Variants in NEK11 observed in about 807,000 individuals in gnomAD.
The protein encoded by NEK11 is NIMA related kinase 11.
In NEK11, 72 loss-of-function variants were observed where a neutral mutation model predicts 80.7. The observed-to-expected ratio is 0.89, with a 90% CI of 0.74 to 1.08. NEK11 has a LOEUF of 1.08. NEK11 is among the 50% of genes least tolerant of loss of function. The probability of loss-of-function intolerance (pLI) is 0.00; values close to 1 mark genes in which losing one functional copy is unlikely to be tolerated. For synonymous variants in NEK11, 251 were observed against 260.7 expected, an observed-to-expected ratio of 0.96 and a Z score of 0.36; for missense variants, 764 against 763.6, an observed-to-expected ratio of 1.00 and a Z score of -0.01.
At chr3:131,043,082 A>C (rs1267736199) in intron 3 of NEK11, among the ~76,000 whole-genome samples, 1 of 152,230 alleles carries the variant, frequency 6.6e-6, no homozygotes, top group Non-Finnish European at 1.5e-5. Flanking sequence ...AACAAAAAGG[A>C]TGACCACGCA....
chr3:131,050,411 C>T (rs566547021), intron 3 of NEK11, among the ~76,000 whole-genome samples: 99 of 152,246 alleles, frequency 6.5e-4, no homozygotes, highest in Non-Finnish European at 1.1e-3. Flanking sequence ...CACGGTTCAT[C>T]TATTCATGCT....
At chr3:131,314,370 A>C (rs749671806) in intron 17 of NEK11, among the ~76,000 whole-genome samples, 2 of 152,210 alleles carry the variant, frequency 1.3e-5, no homozygotes, top group Non-Finnish European at 2.9e-5. Context: ...ATTGCACAAC[A>C]AATCTTTTGA....
chr3:131,153,067 CAG>C (rs1479654429), intron 9 of NEK11, among the ~76,000 whole-genome samples: 2 of 152,128 alleles, frequency 1.3e-5, no homozygotes, highest in Non-Finnish European at 2.9e-5. Context: ...AGCCTGGCAA[CAG>C]AGTGAGACTC....
intron 3 of NEK11, among the ~76,000 whole-genome samples, chr3:131,043,810 C>T (rs942563700): frequency 1.7e-4 from 26 of 152,222 alleles, no homozygotes; most frequent in African/African-American, 5.5e-4. Flanking sequence ...GACACATAAT[C>T]GTCAGATTCA....
intron 17 of NEK11, 54 bp downstream of exon 17, chr3:131,273,628 C>T: frequency 1.5e-6 from 2 of 1,326,162 alleles, no homozygotes; most frequent in Non-Finnish European, 2.2e-6. Context: ...AGCATATTGA[C>T]CAAGTGTGTG....
intron 17 of NEK11, among the ~76,000 whole-genome samples, chr3:131,301,794 G>A (rs952942907): frequency 2.0e-5 from 3 of 151,908 alleles, no homozygotes; most frequent in African/African-American, 7.3e-5. Context: ...TTTTATCCTG[G>A]ATTTTTGCAT....
intron 7 of NEK11, among the ~76,000 whole-genome samples, chr3:131,146,683 T>C (rs1560629779): frequency 6.6e-6 from 1 of 152,134 alleles, no homozygotes; most frequent in Non-Finnish European, 1.5e-5. Context: ...ACTTTTTTTT[T>C]CATAGTATAA....
chr3:131,097,315 C>T (rs1417363659), intron 4 of NEK11, among the ~76,000 whole-genome samples: 16 of 151,900 alleles, frequency 1.1e-4, no homozygotes, highest in Admixed American at 6.6e-5. Flanking sequence ...ACCACACTGA[C>T]TTCCACAATG....
rs113624886 is a variant in NEK11, at chr3:131,301,416, T to C, written c.1718+27842T>C. Reference sequence around the variant, plus strand: ...CTAGGACTTACAGTACTTTGTTGAATAGAAATGGTGAGAATGGGCATCCTT... The same window carrying C: ...CTAGGACTTACAGTACTTTGTTGAACAGAAATGGTGAGAATGGGCATCCTT... On this transcript the variant is annotated intron_variant, in intron 17 of 17. Coordinates refer to ENST00000383366, the MANE Select transcript of NEK11 (RefSeq NM_024800.5). Among the ~76,000 whole-genome samples, 1,488 of 152,216 alleles carry C rather than the reference T, an allele frequency of 9.8e-3. 20 individuals are homozygous for C. The highest frequency in any genetic ancestry group is 0.032 in the African/African-American group (1,329 of 41,532).
intron 15 of NEK11, among the ~76,000 whole-genome samples, chr3:131,229,810 T>C (rs1418605971): frequency 6.6e-6 from 1 of 151,680 alleles, no homozygotes; most frequent in African/African-American, 2.4e-5. Flanking sequence ...GAGAAAGGAT[T>C]AGAGAGAGAT....
chr3:131,154,338 T>C (rs2090258397), intron 9 of NEK11, among the ~76,000 whole-genome samples: 2 of 152,082 alleles, frequency 1.3e-5, no homozygotes, highest in Non-Finnish European at 2.9e-5. Context: ...ATGAGGCAAG[T>C]GAGGCCCTTG....
intron 16 of NEK11, among the ~76,000 whole-genome samples, chr3:131,264,502 T>G (rs2096006301): frequency 6.6e-6 from 1 of 152,220 alleles, no homozygotes; most frequent in African/African-American, 2.4e-5. Flanking sequence ...TTGTCAGGTT[T>G]GTCAAAGATC....
Position 131,170,784 on chromosome 3 carries a change from A to G in NEK11, c.1296A>G (p.Glu432=), listed in dbSNP as rs56206024. The stretch of plus-strand genomic sequence containing the variant: ...TTACCTTCCACAAGGAATCTGATGA[A>G]CCAACTTTAGAGAACCTGCCTGAGT... ...RWQGREEESD[E]PTLENLPESQ... is the part of the protein sequence containing the mutation. The change falls in exon 14 of 18, where the codon GAA becomes GAG. Residue 432 remains glutamate (E), a synonymous_variant. Coordinates refer to ENST00000383366, the MANE Select transcript of NEK11 (RefSeq NM_024800.5). The G allele has an allele frequency of 5.0e-6, 8 of 1,612,906 alleles. No individual in the cohort carries two copies. In the East Asian group the frequency reaches 6.7e-5, roughly 13 times the overall value.
At chr3:131,222,732 C>A (rs1452794101) in intron 14 of NEK11, among the ~76,000 whole-genome samples, 1 of 152,212 alleles carries the variant, frequency 6.6e-6, no homozygotes, top group Non-Finnish European at 1.5e-5. Context: ...AAACCAGCAG[C>A]ATCAGCATCA....
chr3:131,201,147 T>G (rs1487781527), intron 14 of NEK11, among the ~76,000 whole-genome samples: 1 of 150,574 alleles, frequency 6.6e-6, no homozygotes, highest in African/African-American at 2.4e-5. Flanking sequence ...ACATAACCAT[T>G]AAACCAGATA....
chr3:131,033,599 G>A (rs2065197354), intron 3 of NEK11, among the ~76,000 whole-genome samples: 6 of 152,122 alleles, frequency 3.9e-5, no homozygotes, highest in Admixed American at 3.9e-4. Context: ...TGACAAAATG[G>A]AACAGCTGTA....
chr3:131,302,542 A>G (rs1300439547), intron 17 of NEK11, among the ~76,000 whole-genome samples: 1 of 152,182 alleles, frequency 6.6e-6, no homozygotes, highest in Non-Finnish European at 1.5e-5. Context: ...AGATTCTGGT[A>G]TGTTTTATCT....
Position 131,029,840 on chromosome 3 carries a change from T to C in NEK11, c.132T>C (p.Tyr44=), listed in dbSNP as rs769255016. Residue 44 remains tyrosine, a synonymous_variant, in exon 3 of 18, where the codon TAT becomes TAC. Transcript: ENST00000383366. ...GCAGTGGAAGTTTTGGAACTGTCTA[T>C]CTGGTTTCAGACAAGAAAGCCAAAC... ...KLGSGSFGTV[Y]LVSDKKAKRG... The C allele has an allele frequency of 3.7e-6, 6 of 1,614,230 alleles. No individual in the cohort carries two copies. The highest frequency in any genetic ancestry group is 4.2e-6 in the Non-Finnish European group (5 of 1,180,032).
chr3:131,053,697 A>T (rs1303234149), intron 3 of NEK11: 3 of 152,238 alleles, frequency 2.0e-5, no homozygotes, highest in Non-Finnish European at 2.9e-5. Flanking sequence ...TAGGATGTGA[A>T]TGCCAATAGC....
Sources: allele counts gnomAD v4.1 joint callset (sites outside exome capture counted in the v4.1 genomes callset), GRCh38; gene constraint gnomAD v4.1.1; transcripts MANE v1.5; gene names NCBI Gene and HGNC (gene_info 2026-07-23, HGNC 2026-07-21).